The following UQCC1 variants were observed in gnomAD, a reference collection of about 807,000 sequenced individuals.
UQCC1 encodes the protein ubiquinol-cytochrome c reductase complex assembly factor 1.
UQCC1 carries 38 observed loss-of-function variants against 48.0 expected under a neutral mutation model. That is an observed-to-expected ratio of 0.79 (90% confidence interval 0.61 to 1.04). UQCC1 has a LOEUF of 1.04. Ranked by LOEUF, UQCC1 falls within the 50% of genes least tolerant of loss-of-function variation. The probability of loss-of-function intolerance (pLI) is 0.00; values close to 1 mark genes in which losing one functional copy is unlikely to be tolerated. For synonymous variants in UQCC1, 111 were observed against 129.2 expected (o/e 0.86, Z 0.95); for missense variants, 368 against 381.8 (o/e 0.96, Z 0.30).
In UQCC1 at chr20:35,353,579, C is replaced by A. The variant is rs1217770844; in HGVS notation, c.465-6307G>T. On this transcript the variant is annotated intron_variant, in intron 6 of 9. Transcript: ENST00000374385. ...GCCAAGGTGGGAGGATTGCTTGAGG[C>A]CAAGAGTTCAAGACCAACCAAGGTA... Among the ~76,000 whole-genome samples the A allele has an allele frequency of 9.9e-5, 15 of 151,816 alleles. 1 individual carries two copies. The highest frequency in any genetic ancestry group is 9.9e-4 in the Admixed American group (15 of 15,216).
At chr20:35,369,263 A>G (rs1439026232) in intron 5 of UQCC1, among the ~76,000 whole-genome samples, 1 of 152,216 alleles carries the variant, frequency 6.6e-6, no homozygotes, top group Non-Finnish European at 1.5e-5. Flanking sequence ...GTCCCTATAC[A>G]CACTGGTGTC....
intron 1 of UQCC1, among the ~76,000 whole-genome samples, chr20:35,407,877 C>A (rs565980241): frequency 5.5e-4 from 83 of 152,256 alleles, no homozygotes; most frequent in Non-Finnish European, 1.1e-3. Context: ...ACAAAATTAG[C>A]CAGGTGTGGT....
intron 7 of UQCC1, chr20:35,346,125 A>G (rs2061429419): frequency 6.6e-6 from 1 of 152,052 alleles, no homozygotes; most frequent in African/African-American, 2.4e-5. Flanking sequence ...GTGTCTAGCT[A>G]CAGGATTGTA....
intron 1 of UQCC1, among the ~76,000 whole-genome samples, chr20:35,401,070 A>G (rs149963819): frequency 6.6e-6 from 1 of 152,188 alleles, no homozygotes; most frequent in Non-Finnish European, 1.5e-5. Context: ...GTTAGCAAAT[A>G]CTGAACCATT....
chr20:35,353,635 C>T (rs985967253), intron 6 of UQCC1, among the ~76,000 whole-genome samples: 3 of 151,826 alleles, frequency 2.0e-5, no homozygotes, highest in East Asian at 1.9e-4. Context: ...TACAAAAAAA[C>T]GTAAAAATTA....
rs1296971516 is a variant in UQCC1, at chr20:35,382,014, G to C, written c.237C>G (p.Thr79=). The change falls in exon 4 of 10, where the codon ACC becomes ACG. Residue 79 remains threonine, a synonymous_variant. Coordinates refer to ENST00000374385, the MANE Select transcript of UQCC1 (RefSeq NM_018244.5). ...KYHTTRKLST[T]KDSPQPVEEK... The stretch of plus-strand genomic sequence containing the variant: ...CCTCAACAGGCTGTGGGGAATCTTT[G>C]GTAGTAGAAAGCTGATTAACCAAAA... The C allele has an allele frequency of 6.3e-7, 1 of 1,594,476 alleles. No individual in the cohort carries two copies. The highest frequency in any genetic ancestry group is 1.9e-5 in the Admixed American group (1 of 53,860).
intron 8 of UQCC1, among the ~76,000 whole-genome samples, chr20:35,313,668 C>T (rs1315299583): frequency 6.6e-6 from 1 of 152,156 alleles, no homozygotes; most frequent in East Asian, 1.9e-4. Context: ...GGCTGGAGTG[C>T]AGTGGCGCAA....
At chr20:35,387,462 A>G (rs939401703) in intron 2 of UQCC1, among the ~76,000 whole-genome samples, 9 of 151,836 alleles carry the variant, frequency 5.9e-5, no homozygotes, top group Admixed American at 3.3e-4. Context: ...TTCTGTCCCA[A>G]TACTCAACAC....
intron 7 of UQCC1, among the ~76,000 whole-genome samples, chr20:35,327,974 C>T (rs1475374628): frequency 6.9e-6 from 1 of 144,822 alleles, no homozygotes; most frequent in Admixed American, 7.0e-5. Context: ...GCAATCCAGC[C>T]GGGGCAACAG....
intron 7 of UQCC1, among the ~76,000 whole-genome samples, chr20:35,335,987 C>G (rs920916780): frequency 6.6e-6 from 1 of 151,914 alleles, no homozygotes; most frequent in Non-Finnish European, 1.5e-5. Context: ...GTGGGCAGCA[C>G]GGAGAGAACC....
chr20:35,328,011 G>GGA lies in UQCC1; in HGVS notation c.574-13247_574-13246insTC, dbSNP rs1555803993. On this transcript the variant is annotated intron_variant, in intron 7 of 9. Transcript: ENST00000374385. ...ACAAGACTTTGTCTCACAAAAAAAG[G>GGA]AAAAAAAAAAAAAAAAGCATGGAAC... 6.0e-4 allele frequency among the ~76,000 whole-genome samples: 76 copies of GGA among 125,750 alleles called. No homozygotes were observed. In the South Asian group the frequency reaches 7.6e-3, roughly 13 times the overall value. 82.5% of individuals were successfully genotyped at this position (125,750 alleles called of 152,430 possible). A position where few individuals can be genotyped will look rare whatever the true frequency, so the allele number is the denominator to read the frequency against.
At chr20:35,406,301 C>T (rs2062249890) in intron 1 of UQCC1, among the ~76,000 whole-genome samples, 2 of 152,076 alleles carry the variant, frequency 1.3e-5, no homozygotes, top group Admixed American at 1.3e-4. Flanking sequence ...CAAAGAGAGC[C>T]ACAGACACAT....
intron 6 of UQCC1, among the ~76,000 whole-genome samples, chr20:35,361,193 T>G (rs1213079750): frequency 7.0e-6 from 1 of 142,636 alleles, no homozygotes; most frequent in African/African-American, 2.6e-5. Context: ...TGGCTGAGCA[T>G]AAGATTTCAT....
chr20:35,384,089 C>A lies in UQCC1; in HGVS notation c.174G>T (p.Gln58His), dbSNP rs1405415281. 6.2e-7 allele frequency: 1 copy of A among 1,613,154 alleles called. No individual in the cohort carries two copies. Among genetic ancestry groups the A allele is most frequent in the Admixed American group, 1.7e-5 (1 of 60,010 alleles). Reference sequence around the variant, plus strand: ...TCAGCTGTATGTCTATTCCAGGAATCTGTTCTGATCCACCACATGCTCGGG... The same window carrying A: ...TCAGCTGTATGTCTATTCCAGGAATATGTTCTGATCCACCACATGCTCGGG... ...SQSRACGGSE[Q>H]IPGIDIQLNR... Residue 58 changes from glutamine (Q) to histidine (H), a missense_variant, in exon 3 of 10, where the codon CAG (glutamine) becomes CAT (histidine). Transcript: ENST00000374385.
rs532094512 is a variant in UQCC1, at chr20:35,314,267, C to CA, written c.651+420dup. 1.1e-4 allele frequency among the ~76,000 whole-genome samples: 16 copies of CA among 147,302 alleles called. 2 individuals are homozygous for CA. The highest frequency in any genetic ancestry group is 9.9e-4 in the East Asian group (5 of 5,068). On this transcript the variant is annotated intron_variant, in intron 8 of 9. Transcript: ENST00000374385. ...GCGCCCAGCCAGTTTTACAAACTTT[C>CA]AAAATGAATATGTATTGCTTTCATA...
At chr20:35,329,786 G>C (rs570149288) in intron 7 of UQCC1, among the ~76,000 whole-genome samples, 1 of 152,310 alleles carries the variant, frequency 6.6e-6, no homozygotes, top group East Asian at 1.9e-4. Flanking sequence ...TCTTGTGGTA[G>C]GACATGGAGT....
At chr20:35,387,433 A>ATCT (rs1389531780) in intron 2 of UQCC1, among the ~76,000 whole-genome samples, 2 of 152,152 alleles carry the variant, frequency 1.3e-5, no homozygotes, top group African/African-American at 4.8e-5. Context: ...GGCACAGCCC[A>ATCT]TCTTATATGT....
At chr20:35,315,915 G>C (rs1321519508) in intron 7 of UQCC1, among the ~76,000 whole-genome samples, 1 of 152,142 alleles carries the variant, frequency 6.6e-6, no homozygotes, top group Non-Finnish European at 1.5e-5. Flanking sequence ...GACTGTTTTA[G>C]AAATGCAATT....
At chr20:35,399,925 CTT>C (rs1227064253) in intron 1 of UQCC1, among the ~76,000 whole-genome samples, 14 of 119,572 alleles carry the variant, frequency 1.2e-4, no homozygotes, top group African/African-American at 2.0e-4. Flanking sequence ...CTACTCAGTC[CTT>C]TTTTTTTTTT....
Sources: gnomAD v4.1 joint callset for allele counts (sites outside exome capture counted in the v4.1 genomes callset) on GRCh38, gnomAD v4.1.1 for gene constraint, MANE v1.5 for transcripts, NCBI Gene and HGNC (gene_info 2026-07-23, HGNC 2026-07-21) for gene names.